The following MRPL28 variants were observed in gnomAD, a reference collection of about 807,000 sequenced individuals.
MRPL28 encodes large ribosomal subunit protein bL28m.
Under a neutral mutation model 26.2 loss-of-function variants are expected in MRPL28, and 25 were observed. The observed-to-expected ratio is 0.95, with a 90% CI of 0.69 to 1.33. MRPL28 has a LOEUF of 1.33. Among genes scored for constraint, MRPL28 ranks in the 40% most tolerant of loss-of-function variants. MRPL28 has a pLI of 0.00. For missense variants in MRPL28, 432 were observed against 327.2 expected (o/e 1.32, Z -2.47); for synonymous variants, 227 against 140.1 (o/e 1.62, Z -4.38).
intron 3 of MRPL28, 157 bp downstream of exon 3, chr16:368,911 T>A: frequency 9.1e-7 from 1 of 1,095,380 alleles, no homozygotes; most frequent in African/African-American, 1.6e-5. Context: ...ACCCCACTGG[T>A]GCTGGCCAGA....
In MRPL28 at chr16:368,588, T is replaced by C; in HGVS notation, c.489A>G (p.Arg163=). The C allele has an allele frequency of 6.3e-7, 1 of 1,594,550 alleles. No homozygotes were observed. Among genetic ancestry groups the C allele is most frequent in the Non-Finnish European group, 8.6e-7 (1 of 1,168,092 alleles). Reference sequence around the variant, plus strand: ...GCCGGGCAAGCCGCAGCAGCATCCCTCGCTTCAGGTCCATCCCAAACTTGG... The same window carrying C: ...GCCGGGCAAGCCGCAGCAGCATCCCCCGCTTCAGGTCCATCCCAAACTTGG... ...LCSKFGMDLK[R]GMLLRLARQD... is the part of the protein sequence containing the mutation. The change falls in exon 4 of 6, where the codon CGA becomes CGG. Residue 163 remains arginine, a synonymous_variant. Transcript: ENST00000199706.
chr16:368,755 G>A (rs1254036075), intron 3 of MRPL28, 120 bp from the exon 4 acceptor site: 12 of 1,446,188 alleles, frequency 8.3e-6, no homozygotes, highest in South Asian at 1.4e-5. Context: ...AGAAGGCCCG[G>A]GTGGGGCCGC....
intron 2 of MRPL28, chr16:369,723 G>C (rs2054301677): frequency 1.3e-6 from 1 of 763,144 alleles, no homozygotes; most frequent in Admixed American, 2.2e-5. Flanking sequence ...CCCCCGGCCT[G>C]AGTCACCCCA....
intron 5 of MRPL28, 145 bp downstream of exon 5, chr16:368,183 G>A (rs929548991): frequency 3.2e-6 from 3 of 940,932 alleles, no homozygotes; most frequent in East Asian, 2.5e-5. Context: ...ATGCTCCTCT[G>A]GGTGGGCAAT....
intron 2 of MRPL28, 174 bp downstream of exon 2, chr16:369,757 T>G: frequency 1.1e-6 from 1 of 884,668 alleles, no homozygotes; most frequent in Non-Finnish European, 1.8e-6. Context: ...TTATCAGTCC[T>G]GTTTGCCAGA....
rs2054293639 is a variant in MRPL28, at chr16:369,280, C to T, written c.289-60G>A. On this transcript the variant is annotated intron_variant, in intron 2 of 5. Coordinates refer to ENST00000199706, the MANE Select transcript of MRPL28 (RefSeq NM_006428.5). Reference sequence around the variant, plus strand: ...GCTTTCTCTTACATACCAAGGGGGGCCCAGGCAACTGCCCTCACCTCCCCC... The same window carrying T: ...GCTTTCTCTTACATACCAAGGGGGGTCCAGGCAACTGCCCTCACCTCCCCC... 6 of 1,435,552 alleles carry T rather than the reference C, an allele frequency of 4.2e-6. No homozygotes were observed. In the East Asian group the frequency reaches 1.0e-4, roughly 24 times the overall value. The allele number at this position is 1,435,552 out of a possible 1,614,324, so 88.9% of individuals were successfully genotyped here.
Position 368,308 on chromosome 16 carries a change from G to C in MRPL28, c.663+20C>G, listed in dbSNP as rs1377549757. The C allele has an allele frequency of 6.2e-7, 1 of 1,611,990 alleles. No homozygotes were observed. The highest frequency in any genetic ancestry group is 8.5e-7 in the Non-Finnish European group (1 of 1,178,892). The stretch of plus-strand genomic sequence containing the variant: ...ACCAGGCTCTGGGCAGGCAGCATCG[G>C]CTGGTGCTCACACACTCACCTTCTC... On this transcript the variant is annotated intron_variant, in intron 5 of 5. Coordinates refer to ENST00000199706, the MANE Select transcript of MRPL28 (RefSeq NM_006428.5).
In MRPL28 at chr16:370,030, C is replaced by T; in HGVS notation, c.189G>A (p.Glu63=). 6.2e-7 allele frequency: 1 copy of T among 1,613,282 alleles called. No individual in the cohort carries two copies. The highest frequency in any genetic ancestry group is 8.5e-7 in the Non-Finnish European group (1 of 1,179,864). ...GAAAGTAGATGGGAATGGGCACGTCCTCCACACGCTCCCGCTGCCCGTTCT... is the reference window on the plus strand; with the variant it reads ...GAAAGTAGATGGGAATGGGCACGTCTTCCACACGCTCCCGCTGCCCGTTCT... ...NPKNGQRERV[E]DVPIPIYFPP... The change falls in exon 2 of 6, where the codon GAG becomes GAA. Residue 63 remains glutamate (E), a synonymous_variant. Coordinates refer to ENST00000199706, the MANE Select transcript of MRPL28 (RefSeq NM_006428.5).
At chr16:368,783 G>T (rs1019236558) in intron 3 of MRPL28, 148 bp from the exon 4 acceptor site, 3 of 1,282,048 alleles carry the variant, frequency 2.3e-6, no homozygotes, top group African/African-American at 3.0e-5. Flanking sequence ...CCCCAGCCTG[G>T]GGGGTGGGAT....
rs147315737 is a variant in MRPL28, at chr16:367,722, C to T, written c.724G>A (p.Ala242Thr). The change falls in exon 6 of 6, where the codon GCA becomes ACA. Residue 242 changes from alanine to threonine, a missense_variant. Ala to Thr is a moderately conservative substitution (Grantham distance 58). Coordinates refer to ENST00000199706, the MANE Select transcript of MRPL28 (RefSeq NM_006428.5). The part of the protein sequence containing the change: ...AELIQQLQQQ[A>T]LSEPAVVQKR... ...TGCACCACCGCCGGCTCTGACAGTG[C>T]CTGCTGCTGCAGCTGCTGGATCAGC... 99 of 1,613,876 alleles carry T rather than the reference C, an allele frequency of 6.1e-5. No homozygotes were observed. Among genetic ancestry groups the T allele is most frequent in the Middle Eastern group, 4.9e-4 (3 of 6,062 alleles).
At chr16:369,617 C>T in intron 2 of MRPL28, 2 of 672,282 alleles carry the variant, frequency 3.0e-6, no homozygotes, top group South Asian at 3.1e-5. Flanking sequence ...TCGCCTCCCC[C>T]ACCTGCTCTG....
rs1374815609 is a variant in MRPL28 at position 367,670 on chromosome 16, T to C, written c.*5A>G. 2 of 1,612,350 alleles carry C rather than the reference T, an allele frequency of 1.2e-6. No individual in the cohort carries two copies. Among genetic ancestry groups the C allele is most frequent in the Non-Finnish European group, 8.5e-7 (1 of 1,178,912 alleles). ...CTGTTGGTCAGGCATGGAGGAGCTG[T>C]GTGGTCACTGGCCACTGGCTCTCTT... On this transcript the variant is annotated 3_prime_UTR_variant, in exon 6 of 6. Coordinates refer to ENST00000199706, the MANE Select transcript of MRPL28 (RefSeq NM_006428.5).
Position 367,067 on chromosome 16 carries a change from G to C in MRPL28, c.*608C>G, listed in dbSNP as rs1030111054. Reference sequence around the variant, plus strand: ...TACTAAAATACAATTAGCCATACATGATAGCGGGGTGCCTGTAATCCCAGC... The same window carrying C: ...TACTAAAATACAATTAGCCATACATCATAGCGGGGTGCCTGTAATCCCAGC... On this transcript the variant is annotated 3_prime_UTR_variant, in exon 6 of 6. Coordinates refer to ENST00000199706, the MANE Select transcript of MRPL28 (RefSeq NM_006428.5). Among the ~76,000 whole-genome samples, 3 of 152,118 alleles carry C rather than the reference G, an allele frequency of 2.0e-5. No homozygotes were observed. Among genetic ancestry groups the C allele is most frequent in the African/African-American group, 7.2e-5 (3 of 41,422 alleles).
rs2054290795 is a variant in MRPL28, at chr16:369,119, C to T, written c.390G>A (p.Arg130=). 2 of 1,613,926 alleles carry T rather than the reference C, an allele frequency of 1.2e-6. No homozygotes were observed. Among genetic ancestry groups the T allele is most frequent in the Non-Finnish European group, 1.7e-6 (2 of 1,179,952 alleles). The change falls in exon 3 of 6, where the codon CGG becomes CGA. Residue 130 remains arginine (R), a synonymous_variant. Coordinates refer to ENST00000199706, the MANE Select transcript of MRPL28 (RefSeq NM_006428.5). ...AAGCCTCATCGATGAGGTCCAGGGTCCGCATGGTCACAGTCACTGTGAACT... is the reference window on the plus strand; with the variant it reads ...AAGCCTCATCGATGAGGTCCAGGGTTCGCATGGTCACAGTCACTGTGAACT... The part of the protein sequence containing the change: ...DKKFTVTVTM[R]TLDLIDEAYG...
chr16:367,484 G>C lies in MRPL28; in HGVS notation c.*191C>G, dbSNP rs2054269736. The stretch of plus-strand genomic sequence containing the variant: ...GGGCCCAGCCTGAGAGGAGCCTCTG[G>C]GCGGCCCAGGCCTCCTGGGGATCCC... On this transcript the variant is annotated 3_prime_UTR_variant, in exon 6 of 6. Coordinates refer to ENST00000199706, the MANE Select transcript of MRPL28 (RefSeq NM_006428.5). The C allele has an allele frequency of 1.4e-6, 1 of 718,316 alleles. No homozygotes were observed. Among genetic ancestry groups the C allele is most frequent in the African/African-American group, 1.7e-5 (1 of 57,386 alleles). The allele number at this position is 718,316 out of a possible 1,614,324, so 44.5% of individuals were successfully genotyped here.
At chr16:369,904 G>A (rs370619295) in intron 2 of MRPL28, 27 bp downstream of exon 2, 11 of 1,589,230 alleles carry the variant, frequency 6.9e-6, no homozygotes, top group African/African-American at 6.7e-5. Flanking sequence ...CCTGAGAGGA[G>A]CCCCTGAAGG....
Position 368,506 on chromosome 16 carries a change from A to G in MRPL28, c.571T>C (p.Tyr191His). 6.2e-7 allele frequency: 1 copy of G among 1,602,358 alleles called. No homozygotes were observed. The highest frequency in any genetic ancestry group is 8.5e-7 in the Non-Finnish European group (1 of 1,172,564). ...AGCGGGACGGAAACCCTCACCTTGT[A>G]CTTGTCGTAGATGGCTGCCCGCCGC... ...PERRAAIYDKYKEFAIPEEEA... is the reference protein window; with the variant it reads ...PERRAAIYDKHKEFAIPEEEA... Residue 191 changes from tyrosine to histidine, a missense_variant, in exon 4 of 6, where the codon TAC becomes CAC. Tyr to His is a moderately conservative substitution (Grantham distance 83). Coordinates refer to ENST00000199706, the MANE Select transcript of MRPL28 (RefSeq NM_006428.5).
rs1478912473 is a variant in MRPL28, at chr16:368,418, G to A, written c.577-4C>T. On this transcript the variant is annotated splice_polypyrimidine_tract_variant and splice_region_variant and intron_variant, in intron 4 of 5. Coordinates refer to ENST00000199706, the MANE Select transcript of MRPL28 (RefSeq NM_006428.5). ...CCTCCTCTGGGATGGCAAATTCCTA[G>A]GCAGGCAGAGATGGAAAGGGCAGTG... 6.2e-7 allele frequency: 1 copy of A among 1,613,710 alleles called. No individual in the cohort carries two copies. Among genetic ancestry groups the A allele is most frequent in the South Asian group, 1.1e-5 (1 of 91,086 alleles).
In MRPL28 at chr16:368,552, C is replaced by G; in HGVS notation, c.525G>C (p.Gln175His). ...GCCGCTCGGGGTCCTCGGGGTGCAG[C>G]TGGGGGTCCTGCCGGGCAAGCCGCA... The part of the protein sequence containing the change: ...MLLRLARQDP[Q>H]LHPEDPERRA... The change falls in exon 4 of 6, where the codon CAG (glutamine) becomes CAC (histidine). Residue 175 changes from glutamine (Q) to histidine (H), a missense_variant. Gln to His is a conservative substitution (Grantham distance 24). Coordinates refer to ENST00000199706, the MANE Select transcript of MRPL28 (RefSeq NM_006428.5). 1 of 1,596,770 alleles carries G rather than the reference C, an allele frequency of 6.3e-7. No homozygotes were observed. The highest frequency in any genetic ancestry group is 8.6e-7 in the Non-Finnish European group (1 of 1,169,558).
Sources: gnomAD v4.1 joint callset for allele counts (sites outside exome capture counted in the v4.1 genomes callset) on GRCh38, gnomAD v4.1.1 for gene constraint, MANE v1.5 for transcripts, NCBI Gene and HGNC (gene_info 2026-07-23, HGNC 2026-07-21) for gene names.